Variants in NIBAN3 observed in about 807,000 individuals in gnomAD.
The protein encoded by NIBAN3 is niban apoptosis regulator 3, also known as protein Niban 3.
Under a neutral mutation model 76.4 loss-of-function variants are expected in NIBAN3, and 66 were observed. That is an observed-to-expected ratio of 0.86 (90% CI 0.71 to 1.06). NIBAN3 has a LOEUF of 1.06. Ranked by LOEUF, NIBAN3 falls within the 50% of genes least tolerant of loss-of-function variation. The pLI, the probability that NIBAN3 is intolerant of heterozygous loss-of-function variation, is 0.00. For synonymous variants in NIBAN3, 360 were observed against 355.2 expected, an observed-to-expected ratio of 1.01 and a Z score of -0.15; for missense variants, 808 against 810.7, an observed-to-expected ratio of 1.00 and a Z score of 0.04.
At chr19:17,523,891 C>T (rs534999477), upstream of NIBAN3, among the ~76,000 whole-genome samples, 98 of 152,188 alleles carry the variant, frequency 6.4e-4, no homozygotes, top group Non-Finnish European at 1.1e-3. Context: ...CTTGGGCCCT[C>T]GCTTTCTTTT....
downstream of NIBAN3, among the ~76,000 whole-genome samples, chr19:17,555,002 A>G (rs2076200947): frequency 6.6e-6 from 1 of 151,776 alleles, no homozygotes; most frequent in African/African-American, 2.4e-5. Flanking sequence ...TTGGAAAACA[A>G]TCCCTTGACA....
intron 14 of NIBAN3, among the ~76,000 whole-genome samples, chr19:17,551,188 C>T (rs867120097): frequency 2.0e-5 from 3 of 151,838 alleles, no homozygotes. Flanking sequence ...CTCCACCTTG[C>T]GGGTTCAAGC....
At chr19:17,526,786 A>C (rs1474108366), upstream of NIBAN3, among the ~76,000 whole-genome samples, 1 of 152,028 alleles carries the variant, frequency 6.6e-6, no homozygotes, top group Non-Finnish European at 1.5e-5. Context: ...CAGGCCACCC[A>C]TCCTCTAAGA....
At position 17,527,352 on chromosome 19, in the gene NIBAN3, G is replaced by A. The variant is rs1340835976; in HGVS notation, c.12G>A (p.Arg4=). The change falls in exon 1 of 15, where the codon CGG becomes CGA. Residue 4 remains arginine, a synonymous_variant. Transcript: ENST00000599164. The part of the protein sequence containing the change: MGG[R]PSSPLDKQQR... ...GAGACGACAGCAGCATGGGTGGGCGGCCTTCGAGCCCTCTGGACAAGCAGC... is the reference window on the plus strand; with the variant it reads ...GAGACGACAGCAGCATGGGTGGGCGACCTTCGAGCCCTCTGGACAAGCAGC... 1.9e-6 allele frequency: 3 copies of A among 1,547,780 alleles called. No individual in the cohort carries two copies. The highest frequency in any genetic ancestry group is 2.6e-6 in the Non-Finnish European group (3 of 1,145,722).
At chr19:17,527,472 C>T (rs998039378) in intron 1 of NIBAN3, 77 bp downstream of exon 1, 3 of 1,406,736 alleles carry the variant, frequency 2.1e-6, no homozygotes, top group Non-Finnish European at 9.4e-7. Context: ...ATGCTCCATG[C>T]AGCAGATGGG....
rs747029118 is a variant in NIBAN3 at position 17,543,423 on chromosome 19, G to A, written c.1436G>A (p.Arg479His). The A allele has an allele frequency of 3.6e-5, 58 of 1,613,452 alleles. No homozygotes were observed. The highest frequency in any genetic ancestry group is 1.6e-4 in the South Asian group (15 of 91,064). The change falls in exon 11 of 15, where the codon CGC becomes CAC. Residue 479 changes from arginine to histidine, a missense_variant. Arg to His is a conservative substitution (Grantham distance 29). Coordinates refer to ENST00000599164, the MANE Select transcript of NIBAN3 (RefSeq NM_001321827.2). ...CAGAGGCTGGAGAGAGTCAGGGGGC[G>A]CGTGCTGAAGGTGTGTTCTGTGGGT... ...AAQRLERVRG[R>H]VLKKFKSDSG...
chr19:17,524,093 G>C (rs529778268), upstream of NIBAN3, among the ~76,000 whole-genome samples: 1 of 152,092 alleles, frequency 6.6e-6, no homozygotes, highest in Non-Finnish European at 1.5e-5. Context: ...GTTTCACCAC[G>C]CTGGCCAGGC....
chr19:17,554,666 G>C (rs2144807605), downstream of NIBAN3, among the ~76,000 whole-genome samples: 1 of 151,418 alleles, frequency 6.6e-6, no homozygotes, highest in East Asian at 1.9e-4. Context: ...TGTAGTCCCA[G>C]CTACTCAGGA....
At chr19:17,527,517 G>A (rs2075627858) in intron 1 of NIBAN3, 122 bp downstream of exon 1, 1 of 997,252 alleles carries the variant, frequency 1.0e-6, no homozygotes, top group Non-Finnish European at 1.4e-6. Context: ...AAAACACACA[G>A]GATGCCTTCT....
At position 17,542,432 on chromosome 19, in the gene NIBAN3, G is replaced by A. The variant is rs34661544; in HGVS notation, c.1329+138G>A. ...GCCAGTCTCATGGGGACATGAGCCC[G>A]TGACCAGGCAGCAGCCACATGTGGT... On this transcript the variant is annotated intron_variant, in intron 10 of 14. Transcript: ENST00000599164. The surrounding 1 kb of genome is among the most constrained non-coding windows in gnomAD (Gnocchi z 4.8). 0.26 allele frequency: 237,442 copies of A among 919,848 alleles called. 32,805 individuals carry two copies. The highest frequency in any genetic ancestry group is 0.44 in the Admixed American group (15,346 of 34,928). 57.0% of individuals were successfully genotyped at this position (919,848 alleles called of 1,614,324 possible).
In NIBAN3 at chr19:17,542,923, T is replaced by C. The variant is rs1193411579; in HGVS notation, c.1330-394T>C. On this transcript the variant is annotated intron_variant, in intron 10 of 14. Coordinates refer to ENST00000599164, the MANE Select transcript of NIBAN3 (RefSeq NM_001321827.2). The surrounding 1 kb of genome is among the most constrained non-coding windows in gnomAD (Gnocchi z 4.8). ...GCAATAAGTGTTTTGAAGTCTGAGATGGGACCTGCTGATGGACATGGTGAC... is the reference window on the plus strand; with the variant it reads ...GCAATAAGTGTTTTGAAGTCTGAGACGGGACCTGCTGATGGACATGGTGAC... Among the ~76,000 whole-genome samples, 2 of 152,108 alleles carry C rather than the reference T, an allele frequency of 1.3e-5. No individual in the cohort carries two copies. Among genetic ancestry groups the C allele is most frequent in the Admixed American group, 1.3e-4 (2 of 15,272 alleles).
At chr19:17,534,672 T>C (rs2075792014) in intron 4 of NIBAN3, among the ~76,000 whole-genome samples, 1 of 150,732 alleles carries the variant, frequency 6.6e-6, no homozygotes, top group African/African-American at 2.5e-5. Context: ...GCACCTGTAG[T>C]CCCAACTACT....
At chr19:17,524,774 C>G (rs1363100633), upstream of NIBAN3, among the ~76,000 whole-genome samples, 1 of 152,220 alleles carries the variant, frequency 6.6e-6, no homozygotes, top group Non-Finnish European at 1.5e-5. Flanking sequence ...CATTGCTTTG[C>G]CCTGTCATCA....
intron 1 of NIBAN3, 78 bp from the exon 2 acceptor site, chr19:17,530,677 C>A: frequency 6.9e-7 from 1 of 1,446,200 alleles, no homozygotes. Context: ...GGTGGCTTCC[C>A]TGTCTGTTTT....
chr19:17,525,657 G>A (rs2075599047), upstream of NIBAN3, among the ~76,000 whole-genome samples: 1 of 152,172 alleles, frequency 6.6e-6, no homozygotes, highest in South Asian at 2.1e-4. Flanking sequence ...GGGGGCTTCG[G>A]GAGCTGCAGG....
upstream of NIBAN3, among the ~76,000 whole-genome samples, chr19:17,525,942 A>T (rs896378605): frequency 4.6e-5 from 7 of 152,160 alleles, no homozygotes; most frequent in East Asian, 1.2e-3. Context: ...TCTACTAAAC[A>T]AAACAAAACA....
rs377270350 is a variant in NIBAN3 at position 17,544,884 on chromosome 19, CA to C, written c.1554+1255del. 4.9e-3 allele frequency among the ~76,000 whole-genome samples: 745 copies of C among 152,234 alleles called. 4 individuals are homozygous for C. Among genetic ancestry groups the C allele is most frequent in the African/African-American group, 0.017 (703 of 41,538 alleles). On this transcript the variant is annotated intron_variant, in intron 12 of 14. Transcript: ENST00000599164. ...TAATTAATCCCATGAATCCTTTCCA[CA>C]ACACTAGAGAATATGGGCCACTGAG...
chr19:17,539,328 A>G lies in NIBAN3; in HGVS notation c.712-19A>G. The G allele has an allele frequency of 1.9e-6, 3 of 1,551,356 alleles. No individual in the cohort carries two copies. The highest frequency in any genetic ancestry group is 2.6e-6 in the Non-Finnish European group (3 of 1,148,572). Reference sequence around the variant, plus strand: ...ACCCTCCCGGCCGACCGCGGCGCCCATGGCCCCCTCTCCTGCAGGTGCTGA... The same window carrying G: ...ACCCTCCCGGCCGACCGCGGCGCCCGTGGCCCCCTCTCCTGCAGGTGCTGA... On this transcript the variant is annotated intron_variant, in intron 6 of 14. Transcript: ENST00000599164.
In NIBAN3 at chr19:17,553,311, A is replaced by G. The variant is rs1243372449; in HGVS notation, c.*1413A>G. On this transcript the variant is annotated 3_prime_UTR_variant, in exon 15 of 15. Coordinates refer to ENST00000599164, the MANE Select transcript of NIBAN3 (RefSeq NM_001321827.2). ...TGTGAGCCTTTTGGGTTTGTTTCCT[A>G]GCTCCAAATCTTAACTTGGTGTCAA... The G allele has an allele frequency of 6.2e-7, 1 of 1,611,846 alleles. No homozygotes were observed. Among genetic ancestry groups the G allele is most frequent in the Non-Finnish European group, 8.5e-7 (1 of 1,178,566 alleles).
Sources: allele counts gnomAD v4.1 joint callset (sites outside exome capture counted in the v4.1 genomes callset), GRCh38; gene constraint gnomAD v4.1.1; non-coding constraint Gnocchi (gnomAD v3.1); transcripts MANE v1.5; gene names NCBI Gene and HGNC (gene_info 2026-07-23, HGNC 2026-07-21).